Variants in MAOA observed in about 807,000 individuals in gnomAD.
The protein encoded by MAOA is amine oxidase [flavin-containing] A.
MAOA carries 6 observed loss-of-function variants against 42.0 expected under a neutral mutation model. The ratio of observed to expected loss-of-function variants is 0.14; its 90% CI spans 0.08 to 0.28. The LOEUF (loss-of-function observed/expected upper bound fraction) is 0.28, where lower values mean the gene tolerates loss of function less well. Ranked by LOEUF, MAOA falls within the 10% of genes least tolerant of loss-of-function variation. The pLI, the probability that MAOA is intolerant of heterozygous loss-of-function variation, is 1.00. For synonymous variants in MAOA, 140 were observed against 154.0 expected, an observed-to-expected ratio of 0.91 and a Z score of 0.67; for missense variants, 262 against 422.3, an observed-to-expected ratio of 0.62 and a Z score of 3.33.
chrX:43,693,465 A>G, intron 3 of MAOA, 37 bp downstream of exon 3: 2 of 1,191,830 alleles, frequency 1.7e-6, no homozygotes. Flanking sequence ...CTGATAGGGA[A>G]GCATTTTATT....
intron 5 of MAOA, among the ~76,000 whole-genome samples, chrX:43,714,759 G>C (rs753909154): frequency 4.2e-4 from 38 of 91,102 alleles, no homozygotes; most frequent in African/African-American, 1.4e-3. Flanking sequence ...GGGGAAACAG[G>C]CAACATTAGG....
chrX:43,716,254 G>A (rs1172899413), intron 5 of MAOA, among the ~76,000 whole-genome samples: 3 of 110,556 alleles, frequency 2.7e-5, no homozygotes, highest in African/African-American at 9.9e-5. Flanking sequence ...GTAGGTGGAT[G>A]GTTTTGTAGA....
At chrX:43,673,146 C>G (rs763199262) in intron 1 of MAOA, among the ~76,000 whole-genome samples, 111 of 110,973 alleles carry the variant, frequency 1.0e-3, no homozygotes, top group African/African-American at 3.5e-3. Context: ...AGAGATTCAA[C>G]TTCTTCCTGG....
chrX:43,730,578 G>A (rs988273867), intron 6 of MAOA, among the ~76,000 whole-genome samples: 5 of 95,741 alleles, frequency 5.2e-5, no homozygotes, highest in Admixed American at 3.9e-4. Flanking sequence ...TGCAACCTCC[G>A]CCTCCTGGGT....
At chrX:43,737,702 C>T (rs1388475967) in intron 10 of MAOA, among the ~76,000 whole-genome samples, 1 of 111,783 alleles carries the variant, frequency 8.9e-6, no homozygotes, top group Admixed American at 9.5e-5. Flanking sequence ...CGCAGAGACC[C>T]CACCTCAAAA....
chrX:43,689,299 A>C (rs1456741874), intron 2 of MAOA, among the ~76,000 whole-genome samples: 1 of 112,080 alleles, frequency 8.9e-6, no homozygotes, highest in Non-Finnish European at 1.9e-5. Context: ...TATATTTGTT[A>C]TGATTTCTTT....
intron 3 of MAOA, among the ~76,000 whole-genome samples, chrX:43,707,494 G>C (rs916494984): frequency 2.7e-5 from 3 of 111,859 alleles, no homozygotes; most frequent in Non-Finnish European, 5.6e-5. Flanking sequence ...TCTCCATGTA[G>C]GGTATGAAGG....
At chrX:43,670,929 T>G (rs1392199949) in intron 1 of MAOA, among the ~76,000 whole-genome samples, 2 of 107,566 alleles carry the variant, frequency 1.9e-5, no homozygotes, top group Non-Finnish European at 3.8e-5. Flanking sequence ...TATAGCAGCA[T>G]GATTTATAGT....
rs763028687 is a variant in MAOA at position 43,658,812 on chromosome X, T to G, written c.73+2398T>G. Among the ~76,000 whole-genome samples, 13 of 111,946 alleles carry G rather than the reference T, an allele frequency of 1.2e-4. No individual in the cohort carries two copies. In the South Asian group the frequency reaches 3.7e-3, roughly 32 times the overall value. ...CAGCTAAAATGAAAGTAGTTGCAAG[T>G]GTGGCTCGTGTTAGATCCTGGACAT... On this transcript the variant is annotated intron_variant, in intron 1 of 14. Transcript: ENST00000338702.
intron 3 of MAOA, among the ~76,000 whole-genome samples, chrX:43,697,103 G>T (rs1050243336): frequency 2.7e-5 from 3 of 112,371 alleles, no homozygotes; most frequent in Non-Finnish European, 5.6e-5. Context: ...TAAGTTAGGG[G>T]TTATTGCGCC....
rs1233211092 is a variant in MAOA at position 43,718,605 on chromosome X, G to C, written c.503+5809G>C. On this transcript the variant is annotated intron_variant, in intron 5 of 14. Transcript: ENST00000338702. ...TCCAGGAATGAGTCACACTATGGGTGGTGGGGGAGACCATCAGGGGGATGT... is the reference window on the plus strand; with the variant it reads ...TCCAGGAATGAGTCACACTATGGGTCGTGGGGGAGACCATCAGGGGGATGT... Among the ~76,000 whole-genome samples, 5 of 109,541 alleles carry C rather than the reference G, an allele frequency of 4.6e-5. 1 individual carries two copies. The East Asian group carries it at 1.4e-3, about 32-fold the overall frequency.
In MAOA at chrX:43,745,053, G is replaced by T. The variant is rs1480637120; in HGVS notation, c.*540G>T. ...AAGGAAAGCAGTGTTGGGGGTAGCG[G>T]CATGCAGACCCTCAGACCAGAATGG... On this transcript the variant is annotated 3_prime_UTR_variant, in exon 15 of 15. Transcript: ENST00000338702. 7.4e-6 allele frequency: 1 copy of T among 135,349 alleles called. No homozygotes were observed. Among genetic ancestry groups the T allele is most frequent in the Non-Finnish European group, 1.5e-5 (1 of 67,479 alleles). The allele number at this position is 135,349 out of a possible 1,213,427, so 11.2% of individuals were successfully genotyped here. A position where few individuals can be genotyped will look rare whatever the true frequency, so the allele number is the denominator to read the frequency against.
intron 1 of MAOA, among the ~76,000 whole-genome samples, chrX:43,671,522 C>T (rs1341443432): frequency 2.7e-5 from 3 of 110,203 alleles, no homozygotes; most frequent in Non-Finnish European, 5.7e-5. Context: ...TTGTCCATGC[C>T]TATGTCCTGA....
At chrX:43,711,429 A>G (rs1298281672) in intron 3 of MAOA, among the ~76,000 whole-genome samples, 1 of 111,676 alleles carries the variant, frequency 9.0e-6, no homozygotes, top group Non-Finnish European at 1.9e-5. Flanking sequence ...AAGACATTCC[A>G]CTTTGCTATT....
chrX:43,684,850 CTTTCTTTTCT>C (rs1239717897), intron 2 of MAOA, among the ~76,000 whole-genome samples: 35 of 95,716 alleles, frequency 3.7e-4, no homozygotes, highest in Middle Eastern at 5.6e-3. Context: ...CTCTGATATT[CTTTCTTTTCT>C]TTTCTTTTCT....
At chrX:43,717,177 T>C (rs1396098235) in intron 5 of MAOA, among the ~76,000 whole-genome samples, 2 of 110,615 alleles carry the variant, frequency 1.8e-5, no homozygotes, top group Admixed American at 1.9e-4. Flanking sequence ...GAAGGGGTTA[T>C]ATCTTTCAGG....
intron 5 of MAOA, among the ~76,000 whole-genome samples, chrX:43,727,740 G>A (rs1340385912): frequency 8.9e-6 from 1 of 112,103 alleles, no homozygotes; most frequent in Non-Finnish European, 1.9e-5. Flanking sequence ...CCCTTGGCTA[G>A]GAAAAGGAAA....
At chrX:43,675,070 A>T (rs1445941630) in intron 1 of MAOA, among the ~76,000 whole-genome samples, 1 of 111,863 alleles carries the variant, frequency 8.9e-6, no homozygotes, top group East Asian at 2.8e-4. Flanking sequence ...TCTCCCCGTC[A>T]CTTTCAGGTA....
chrX:43,741,831 A>G (rs1158464148), intron 11 of MAOA, 119 bp from the exon 12 acceptor site: 1 of 1,140,345 alleles, frequency 8.8e-7, no homozygotes, highest in Non-Finnish European at 1.2e-6. Context: ...AGTGAGTTAG[A>G]AAAACAGGAT....
Sources: allele counts gnomAD v4.1 joint callset (sites outside exome capture counted in the v4.1 genomes callset), GRCh38; gene constraint gnomAD v4.1.1; transcripts MANE v1.5; gene names NCBI Gene and HGNC (gene_info 2026-07-23, HGNC 2026-07-21).